The following SH2D3C variants were observed in gnomAD, a reference collection of about 807,000 sequenced individuals.
The protein encoded by SH2D3C is SH2 domain containing 3C.
Under a neutral mutation model 75.2 loss-of-function variants are expected in SH2D3C, and 25 were observed. The ratio of observed to expected loss-of-function variants is 0.33; its 90% CI spans 0.24 to 0.46. The LOEUF is 0.46. SH2D3C is among the 20% of genes least tolerant of loss of function. SH2D3C has a pLI of 1.00. For synonymous variants in SH2D3C, 450 were observed against 473.7 expected, an observed-to-expected ratio of 0.95 and a Z score of 0.65; for missense variants, 933 against 1,165.3, an observed-to-expected ratio of 0.80 and a Z score of 2.90.
Position 127,744,661 on chromosome 9 carries a change from C to A in SH2D3C, c.1703G>T (p.Arg568Leu). The A allele has an allele frequency of 6.2e-7, 1 of 1,614,138 alleles. No individual in the cohort carries two copies. Among genetic ancestry groups the A allele is most frequent in the Middle Eastern group, 1.6e-4 (1 of 6,062 alleles). Residue 568 changes from arginine (R) to leucine (L), a missense_variant, in exon 7 of 12, where the codon CGG becomes CTG. Transcript: ENST00000314830. The stretch of plus-strand genomic sequence containing the variant: ...GCGCAGAAGGCCCACCTCCAGTGGC[C>A]GGTTATCCCTGGGGATCAGTAGTGA... ...FQSLLIPRDNRPLEVGLLRKV... is the reference protein window; with the variant it reads ...FQSLLIPRDNLPLEVGLLRKV...
At position 127,749,434 on chromosome 9, in the gene SH2D3C, C is replaced by T. The variant is rs760958717; in HGVS notation, c.916G>A (p.Ala306Thr). 3.7e-6 allele frequency: 6 copies of T among 1,614,226 alleles called. No individual in the cohort carries two copies. Among genetic ancestry groups the T allele is most frequent in the Non-Finnish European group, 5.1e-6 (6 of 1,180,054 alleles). The change falls in exon 5 of 12, where the codon GCT (alanine) becomes ACT (threonine). Residue 306 changes from alanine (A) to threonine (T), a missense_variant. Ala to Thr is a moderately conservative substitution (Grantham distance 58). Transcript: ENST00000314830. This position sits in a 1 kb window ranked among gnomAD's most constrained non-coding sequence, Gnocchi z 5.9. ...LVRYHVGSRK[A>T]VSEQSGAIIY... is the part of the protein sequence containing the mutation. The stretch of plus-strand genomic sequence containing the variant: ...ATGGCACCACTCTGCTCTGACACAG[C>T]CTTGCGGCTGCCCACATGATAGCGC...
chr9:127,777,735 G>A (rs1398391747), intron 1 of SH2D3C, among the ~76,000 whole-genome samples: 2 of 152,170 alleles, frequency 1.3e-5, no homozygotes, highest in Non-Finnish European at 2.9e-5. Context: ...GACGGATAAA[G>A]AGAAGCACAG....
In SH2D3C at chr9:127,739,174, C is replaced by T. The variant is rs559108692; in HGVS notation, c.2408-253G>A. ...TTTTTGGTGATTTTTTTTCTTTTTT[C>T]GTATTTTTCTGTTAAGTTCCAAATT... is the stretch of plus-strand genomic sequence containing the variant. On this transcript the variant is annotated intron_variant, in intron 11 of 11. Transcript: ENST00000314830. This position sits in a 1 kb window ranked among gnomAD's most constrained non-coding sequence, Gnocchi z 4.3. Among the ~76,000 whole-genome samples the T allele has an allele frequency of 5.3e-4, 80 of 150,484 alleles. No homozygotes were observed. The highest frequency in any genetic ancestry group is 8.4e-4 in the Non-Finnish European group (57 of 67,664).
At position 127,775,357 on chromosome 9, in the gene SH2D3C, C is replaced by T. The variant is rs930486717; in HGVS notation, c.38-890G>A. On this transcript the variant is annotated intron_variant, in intron 1 of 11. Coordinates refer to ENST00000314830, the MANE Select transcript of SH2D3C (RefSeq NM_170600.3). ...AAAAATAAAAAAGTAAGGCCTGGTG[C>T]CATGGCTTATGCCTATGATCCCAGC... is the stretch of plus-strand genomic sequence containing the variant. 9.2e-5 allele frequency among the ~76,000 whole-genome samples: 14 copies of T among 152,054 alleles called. No homozygotes were observed. In the East Asian group the frequency reaches 2.7e-3, roughly 30 times the overall value.
At chr9:127,741,503 C>G (rs1040621127) in intron 9 of SH2D3C, among the ~76,000 whole-genome samples, 4 of 152,198 alleles carry the variant, frequency 2.6e-5, no homozygotes, top group Non-Finnish European at 5.9e-5. Context: ...TCCCAAAGTG[C>G]TGGGATTACA....
chr9:127,738,444 G>C lies in SH2D3C; in HGVS notation c.*302C>G. Reference sequence around the variant, plus strand: ...TGGTGAGGGACAGACAGAGAGTGAGGAGGCGTGAGCAGCCTGCCTCCCATG... The same window carrying C: ...TGGTGAGGGACAGACAGAGAGTGAGCAGGCGTGAGCAGCCTGCCTCCCATG... On this transcript the variant is annotated 3_prime_UTR_variant, in exon 12 of 12. Transcript: ENST00000314830. The surrounding 1 kb of genome is among the most constrained non-coding windows in gnomAD (Gnocchi z 5.0). 7.4e-6 allele frequency: 2 copies of C among 269,512 alleles called. No homozygotes were observed. Among genetic ancestry groups the C allele is most frequent in the Non-Finnish European group, 1.4e-5 (2 of 141,808 alleles). 16.7% of individuals were successfully genotyped at this position (269,512 alleles called of 1,614,324 possible).
At chr9:127,748,419 C>T (rs1845098206) in intron 5 of SH2D3C, among the ~76,000 whole-genome samples, 1 of 152,230 alleles carries the variant, frequency 6.6e-6, no homozygotes, top group South Asian at 2.1e-4. Context: ...TATCCAAGTG[C>T]AGGTGGCACA....
intron 10 of SH2D3C, 34 bp downstream of exon 10, chr9:127,740,224 G>A (rs1383051343): frequency 4.5e-6 from 7 of 1,571,420 alleles, no homozygotes; most frequent in Non-Finnish European, 6.1e-6. Flanking sequence ...AGGGAGGGCT[G>A]CAGCCTGTCC....
chr9:127,776,966 C>G (rs1281920463), intron 1 of SH2D3C, among the ~76,000 whole-genome samples: 4 of 152,330 alleles, frequency 2.6e-5, no homozygotes, highest in Admixed American at 2.0e-4. Flanking sequence ...TTTCTCAGCA[C>G]CACTGGTTTT....
intron 2 of SH2D3C, among the ~76,000 whole-genome samples, chr9:127,762,908 T>C (rs532322240): frequency 3.9e-5 from 6 of 152,344 alleles, no homozygotes; most frequent in African/African-American, 1.4e-4. Flanking sequence ...GACGGTACCA[T>C]GATTATGCCA....
At chr9:127,778,568 T>A in intron 1 of SH2D3C, 23 bp downstream of exon 1, 1 of 1,594,662 alleles carries the variant, frequency 6.3e-7, no homozygotes, top group Non-Finnish European at 8.6e-7. Context: ...TGGAGGACAG[T>A]GCAGACGGCA....
Position 127,757,482 on chromosome 9 carries a change from G to A in SH2D3C, c.555+4129C>T, listed in dbSNP as rs191122597. Among the ~76,000 whole-genome samples the A allele has an allele frequency of 3.8e-3, 575 of 151,302 alleles. 1 individual carries two copies. The highest frequency in any genetic ancestry group is 6.9e-3 in the Middle Eastern group (2 of 290). ...GTCTCACTCTGTCACCCAGGTTGGA[G>A]TGCAGTGGCTCAATATCGGCTCACT... On this transcript the variant is annotated intron_variant, in intron 3 of 11. Coordinates refer to ENST00000314830, the MANE Select transcript of SH2D3C (RefSeq NM_170600.3).
chr9:127,741,891 G>A lies in SH2D3C; in HGVS notation c.1985C>T (p.Ala662Val). Residue 662 changes from alanine (A) to valine (V), a missense_variant, in exon 9 of 12, where the codon GCA (alanine) becomes GTA (valine). By Grantham distance (64) the Ala-to-Val change is moderately conservative. Coordinates refer to ENST00000314830, the MANE Select transcript of SH2D3C (RefSeq NM_170600.3). Reference protein sequence around the residue: ...LGCTGSAEERAALLHKTIQLA... With the variant: ...LGCTGSAEERVALLHKTIQLA... ...CTGAATGGTCTTGTGCAGCAGCGCT[G>A]CCCGCTCCTCCGCAGAGCCGGTGCA... 6.2e-7 allele frequency: 1 copy of A among 1,613,146 alleles called. No homozygotes were observed. The highest frequency in any genetic ancestry group is 8.5e-7 in the Non-Finnish European group (1 of 1,179,984).
At position 127,738,637 on chromosome 9, in the gene SH2D3C, C is replaced by T; in HGVS notation, c.*109G>A. On this transcript the variant is annotated 3_prime_UTR_variant, in exon 12 of 12. Coordinates refer to ENST00000314830, the MANE Select transcript of SH2D3C (RefSeq NM_170600.3). The surrounding 1 kb of genome is among the most constrained non-coding windows in gnomAD (Gnocchi z 5.0). ...GCAAGGGAGATGCTTGAGTTGAACC[C>T]AGAACATTCTCGGGTTGATCACAGT... 8.0e-7 allele frequency: 1 copy of T among 1,244,464 alleles called. No homozygotes were observed. The highest frequency in any genetic ancestry group is 1.1e-6 in the Non-Finnish European group (1 of 924,682). The allele number at this position is 1,244,464 out of a possible 1,614,324, so 77.1% of individuals were successfully genotyped here.
chr9:127,774,016 T>C lies in SH2D3C; in HGVS notation c.489A>G (p.Arg163=). The change falls in exon 2 of 12, where the codon AGA becomes AGG. Residue 163 remains arginine (R), a synonymous_variant. Coordinates refer to ENST00000314830, the MANE Select transcript of SH2D3C (RefSeq NM_170600.3). This position sits in a 1 kb window ranked among gnomAD's most constrained non-coding sequence, Gnocchi z 4.3. ...EVPTGDVEEE[R]PPRDVHSERA... ...TTTCTGAGTGCACGTCCCTGGGAGGTCTCTCCTCTTCTACGTCTCCTGTGG... is the reference window on the plus strand; with the variant it reads ...TTTCTGAGTGCACGTCCCTGGGAGGCCTCTCCTCTTCTACGTCTCCTGTGG... The C allele has an allele frequency of 6.2e-7, 1 of 1,611,954 alleles. No homozygotes were observed. The highest frequency in any genetic ancestry group is 8.5e-7 in the Non-Finnish European group (1 of 1,179,108).
rs776927485 is a variant in SH2D3C at position 127,749,612 on chromosome 9, G to A, written c.738C>T (p.Leu246=). 4.4e-6 allele frequency: 7 copies of A among 1,593,078 alleles called. No homozygotes were observed. The South Asian group carries it at 5.6e-5, about 13-fold the overall frequency. The change falls in exon 5 of 12, where the codon CTC becomes CTT. Residue 246 remains leucine (L), a synonymous_variant. Transcript: ENST00000314830. This position sits in a 1 kb window ranked among gnomAD's most constrained non-coding sequence, Gnocchi z 5.9. ...TGAGCACATAGTCGCCCAGGCTGGT[G>A]AGTGAGTCCCGGATGAGGAAGTCGC... The part of the protein sequence containing the change: ...RNGDFLIRDS[L]TSLGDYVLTC...
In SH2D3C at chr9:127,739,912, G is replaced by T. The variant is rs764630266; in HGVS notation, c.2201-24C>A. Reference sequence around the variant, plus strand: ...TTCTGCAAGGAGAAAGGCAGCAGGCGCTTAAAGATCCTGTAGTGCCCCACC... The same window carrying T: ...TTCTGCAAGGAGAAAGGCAGCAGGCTCTTAAAGATCCTGTAGTGCCCCACC... On this transcript the variant is annotated intron_variant, in intron 10 of 11. Transcript: ENST00000314830. This position sits in a 1 kb window ranked among gnomAD's most constrained non-coding sequence, Gnocchi z 4.3. The T allele has an allele frequency of 6.7e-7, 1 of 1,495,372 alleles. No individual in the cohort carries two copies. 92.6% of individuals were successfully genotyped at this position (1,495,372 alleles called of 1,614,324 possible).
At chr9:127,761,268 C>A (rs751897651) in intron 3 of SH2D3C, among the ~76,000 whole-genome samples, 2 of 152,248 alleles carry the variant, frequency 1.3e-5, no homozygotes, top group South Asian at 4.1e-4. Context: ...CGCCAGCACA[C>A]AGTAGGTGCA....
chr9:127,759,128 C>G (rs1422805338), intron 3 of SH2D3C, among the ~76,000 whole-genome samples: 1 of 152,236 alleles, frequency 6.6e-6, no homozygotes, highest in Non-Finnish European at 1.5e-5. Context: ...ATGCCACACC[C>G]AAATCCAGTG....
Sources: allele counts gnomAD v4.1 joint callset (sites outside exome capture counted in the v4.1 genomes callset), GRCh38; gene constraint gnomAD v4.1.1; non-coding constraint Gnocchi (gnomAD v3.1); transcripts MANE v1.5; gene names NCBI Gene and HGNC (gene_info 2026-07-23, HGNC 2026-07-21).